The following IFIH1 variants were observed in gnomAD, a reference collection of about 807,000 sequenced individuals.
IFIH1 encodes the protein interferon induced with helicase C domain 1.
In IFIH1, 125 loss-of-function variants were observed where a neutral mutation model predicts 107.4. The ratio of observed to expected loss-of-function variants is 1.16; its 90% confidence interval spans 1.01 to 1.35. The LOEUF (loss-of-function observed/expected upper bound fraction) is 1.35. IFIH1 is among the 40% of genes most tolerant of loss of function. IFIH1 has a pLI of 0.00. For missense variants in IFIH1, 1,333 were observed against 1,213.7 expected (o/e 1.10, Z -1.46); for synonymous variants, 458 against 413.2 (o/e 1.11, Z -1.31).
chr2:162,295,285 AATGGATTCATGCAAT>A (rs546483723), intron 3 of IFIH1, among the ~76,000 whole-genome samples: 211 of 152,118 alleles, frequency 1.4e-3, no homozygotes, highest in Non-Finnish European at 4.7e-4. Flanking sequence ...ATGTCATATG[AATGGATTCATGCAAT>A]ATGTAGCCTT....
intron 4 of IFIH1, among the ~76,000 whole-genome samples, chr2:162,292,535 A>C (rs2105213693): frequency 6.6e-6 from 1 of 151,978 alleles, no homozygotes; most frequent in East Asian, 1.9e-4. Flanking sequence ...ATTGATGACA[A>C]TCTTTCTATA....
rs1184950134 is a variant in IFIH1 at position 162,268,070 on chromosome 2, G to A, written c.2807+17C>T. The A allele has an allele frequency of 1.3e-6, 2 of 1,545,776 alleles. No individual in the cohort carries two copies. The highest frequency in any genetic ancestry group is 1.7e-6 in the Non-Finnish European group (2 of 1,144,008). On this transcript the variant is annotated intron_variant, in intron 14 of 15. Coordinates refer to ENST00000649979, the MANE Select transcript of IFIH1 (RefSeq NM_022168.4). Reference sequence around the variant, plus strand: ...CCCCTTGTGGAAAAATGTAAAAATGGGTCTTTCTGGACTCACTTGAATTCT... The same window carrying A: ...CCCCTTGTGGAAAAATGTAAAAATGAGTCTTTCTGGACTCACTTGAATTCT...
chr2:162,285,688 A>C (rs1178840842), intron 5 of IFIH1, among the ~76,000 whole-genome samples: 1 of 151,966 alleles, frequency 6.6e-6, no homozygotes. Context: ...CATAGCCATA[A>C]ATGTGCATTC....
chr2:162,299,623 T>C (rs147121291), intron 3 of IFIH1, among the ~76,000 whole-genome samples: 2 of 152,252 alleles, frequency 1.3e-5, no homozygotes, highest in East Asian at 3.9e-4. Context: ...GCTAGATATA[T>C]TCCTCTACCT....
intron 7 of IFIH1, among the ~76,000 whole-genome samples, chr2:162,280,400 T>C (rs1682784421): frequency 6.6e-6 from 1 of 152,112 alleles, no homozygotes; most frequent in African/African-American, 2.4e-5. Context: ...TGTATTGATA[T>C]TCATTCCTTA....
At chr2:162,294,308 G>GTGCA (rs1396462011) in intron 3 of IFIH1, among the ~76,000 whole-genome samples, 1 of 151,962 alleles carries the variant, frequency 6.6e-6, no homozygotes, top group Non-Finnish European at 1.5e-5. Flanking sequence ...ATGAATAGCA[G>GTGCA]TGCACATCCT....
intron 1 of IFIH1, among the ~76,000 whole-genome samples, chr2:162,314,202 C>G (rs929237561): frequency 6.6e-6 from 1 of 152,054 alleles, no homozygotes; most frequent in African/African-American, 2.4e-5. Flanking sequence ...AACTTAGCAT[C>G]CTAAAAGAGG....
At chr2:162,284,065 C>T (rs1682854438) in intron 5 of IFIH1, among the ~76,000 whole-genome samples, 1 of 151,438 alleles carries the variant, frequency 6.6e-6, no homozygotes, top group Admixed American at 6.6e-5. Context: ...ACTCCTAAGT[C>T]CCACTCAAGA....
In IFIH1 at chr2:162,276,767, C is replaced by G. The variant is rs1682675774; in HGVS notation, c.2224G>C (p.Glu742Gln). The change falls in exon 11 of 16, where the codon GAA (glutamate) becomes CAA (glutamine). Residue 742 changes from glutamate (E) to glutamine (Q), a missense_variant. Coordinates refer to ENST00000649979, the MANE Select transcript of IFIH1 (RefSeq NM_022168.4). ...YALSQWITEN[E>Q]KFAEVGVKAH... ...TTGACTCCTACTTCAGCAAATTTTT[C>G]ATTTTCAGTAATCCACTGGGAAAGC... 6 of 1,613,860 alleles carry G rather than the reference C, an allele frequency of 3.7e-6. No individual in the cohort carries two copies. Among genetic ancestry groups the G allele is most frequent in the Non-Finnish European group, 4.2e-6 (5 of 1,179,902 alleles).
chr2:162,293,068 G>A lies in IFIH1; in HGVS notation c.874+496C>T, dbSNP rs148081907. On this transcript the variant is annotated intron_variant, in intron 4 of 15. Coordinates refer to ENST00000649979, the MANE Select transcript of IFIH1 (RefSeq NM_022168.4). ...CTGGTAAAATTTTCATTTAGTGACC[G>A]AAATATTTTGCCAACTCTACTCCTA... Among the ~76,000 whole-genome samples the A allele has an allele frequency of 7.3e-3, 1,116 of 151,888 alleles. 11 individuals carry two copies. Among genetic ancestry groups the A allele is most frequent in the African/African-American group, 0.026 (1,059 of 41,514 alleles).
intron 4 of IFIH1, among the ~76,000 whole-genome samples, chr2:162,290,936 G>A (rs1682986295): frequency 6.6e-6 from 1 of 151,820 alleles, no homozygotes; most frequent in African/African-American, 2.4e-5. Context: ...TTCTGTGTCA[G>A]CAGAAGGAGA....
At position 162,267,561 on chromosome 2, in the gene IFIH1, T is replaced by C; in HGVS notation, c.2816A>G (p.Tyr939Cys). The C allele has an allele frequency of 6.2e-7, 1 of 1,601,360 alleles. No homozygotes were observed. Among genetic ancestry groups the C allele is most frequent in the Non-Finnish European group, 8.6e-7 (1 of 1,168,152 alleles). Reference sequence around the variant, plus strand: ...CAGTGCTTTGTTTTCTCTTACAATGTAAAGTTCCCTATAAGTATCAAAGGG... The same window carrying C: ...CAGTGCTTTGTTTTCTCTTACAATGCAAAGTTCCCTATAAGTATCAAAGGG... Reference protein sequence around the residue: ...VNMTPEFKELYIVRENKALQK... With the variant: ...VNMTPEFKELCIVRENKALQK... Residue 939 changes from tyrosine (Y) to cysteine (C), a missense_variant, in exon 15 of 16, where the codon TAC (tyrosine) becomes TGC (cysteine). Transcript: ENST00000649979.
In IFIH1 at chr2:162,293,600, T is replaced by C. The variant is rs1683036594; in HGVS notation, c.838A>G (p.Met280Val). The change falls in exon 4 of 16, where the codon ATG (methionine) becomes GTG (valine). Residue 280 changes from methionine (M) to valine (V), a missense_variant. Coordinates refer to ENST00000649979, the MANE Select transcript of IFIH1 (RefSeq NM_022168.4). ...LDESLGHNSN[M>V]GSDSGTMGSD... ...CCCATGGTGCCTGAATCACTGCCCA[T>C]GTTGCTGTTATGTCCAAGACTTTCA... is the stretch of plus-strand genomic sequence containing the variant. 1 of 1,611,834 alleles carries C rather than the reference T, an allele frequency of 6.2e-7. No homozygotes were observed. Among genetic ancestry groups the C allele is most frequent in the Non-Finnish European group, 8.5e-7 (1 of 1,178,356 alleles).
intron 1 of IFIH1, among the ~76,000 whole-genome samples, chr2:162,314,415 C>T (rs74433927): frequency 1.1e-3 from 39 of 36,702 alleles, no homozygotes; most frequent in African/African-American, 4.5e-3. Context: ...TTCTTTCTTT[C>T]TTTTCTTTCT....
In IFIH1 at chr2:162,278,306, A is replaced by G; in HGVS notation, c.1664T>C (p.Leu555Pro). The change falls in exon 9 of 16, where the codon CTA becomes CCA. Residue 555 changes from leucine to proline, a missense_variant. Coordinates refer to ENST00000649979, the MANE Select transcript of IFIH1 (RefSeq NM_022168.4). ...AGTTTGAATCCTTGTCATTATTTCT[A>G]GAAGTTTCTCTTTAAATGGATCCTA... ...TREDPFKEKL[L>P]EIMTRIQTYC... 1 of 1,453,786 alleles carries G rather than the reference A, an allele frequency of 6.9e-7. No homozygotes were observed. The highest frequency in any genetic ancestry group is 9.6e-7 in the Non-Finnish European group (1 of 1,046,402). 90.1% of individuals were successfully genotyped at this position (1,453,786 alleles called of 1,614,324 possible). A position where few individuals can be genotyped will look rare whatever the true frequency, so the allele number is the denominator to read the frequency against.
intron 3 of IFIH1, among the ~76,000 whole-genome samples, chr2:162,300,014 C>G (rs1264964725): frequency 6.6e-6 from 1 of 152,202 alleles, no homozygotes; most frequent in African/African-American, 2.4e-5. Context: ...GGTAAGCTTT[C>G]TCTCGTCAGT....
At chr2:162,300,777 A>G (rs951048179) in intron 3 of IFIH1, among the ~76,000 whole-genome samples, 1 of 152,188 alleles carries the variant, frequency 6.6e-6, no homozygotes, top group Non-Finnish European at 1.5e-5. Flanking sequence ...AAACTACTGT[A>G]TCAATTATTT....
chr2:162,280,086 A>G lies in IFIH1; in HGVS notation c.1551T>C (p.Thr517=), dbSNP rs1682779091. Reference sequence around the variant, plus strand: ...CAAGGTTTTCTTTAACAGTTTTAATAGTAAATGCATCAAGATTGGCACATA... The same window carrying G: ...CAAGGTTTTCTTTAACAGTTTTAATGGTAAATGCATCAAGATTGGCACATA... The part of the protein sequence containing the change: ...LKLCANLDAF[T]IKTVKENLDQ... The change falls in exon 8 of 16, where the codon ACT becomes ACC. Residue 517 remains threonine (T), a synonymous_variant. Coordinates refer to ENST00000649979, the MANE Select transcript of IFIH1 (RefSeq NM_022168.4). The G allele has an allele frequency of 6.3e-7, 1 of 1,594,610 alleles. No homozygotes were observed. Among genetic ancestry groups the G allele is most frequent in the South Asian group, 1.1e-5 (1 of 90,308 alleles).
At chr2:162,276,561 T>C (rs1682666030) in intron 11 of IFIH1, 126 bp downstream of exon 11, 3 of 1,022,580 alleles carry the variant, frequency 2.9e-6, no homozygotes, top group Admixed American at 2.7e-5. Flanking sequence ...ATCTTGATCA[T>C]GCCACTGCTC....
Sources: allele counts gnomAD v4.1 joint callset (sites outside exome capture counted in the v4.1 genomes callset), GRCh38; gene constraint gnomAD v4.1.1; transcripts MANE v1.5; gene names NCBI Gene and HGNC (gene_info 2026-07-23, HGNC 2026-07-21).